CHID1: variants seen among roughly 807,000 people sequenced by gnomAD.
The protein encoded by CHID1 is chitinase domain-containing protein 1.
Under a neutral mutation model 55.4 loss-of-function variants are expected in CHID1, and 44 were observed. That is an observed-to-expected ratio of 0.79 (90% CI 0.62 to 1.02). The LOEUF is 1.02. Among genes scored for constraint, CHID1 ranks in the 50% least tolerant of loss-of-function variants. The probability of loss-of-function intolerance (pLI) is 0.00; values close to 1 mark genes in which losing one functional copy is unlikely to be tolerated. For missense variants in CHID1, 491 were observed against 515.3 expected (o/e 0.95, Z 0.46); for synonymous variants, 216 against 212.9 (o/e 1.01, Z -0.13).
intron 8 of CHID1, among the ~76,000 whole-genome samples, chr11:892,100 G>A (rs1002967491): frequency 6.6e-6 from 1 of 152,154 alleles, no homozygotes; most frequent in Non-Finnish European, 1.5e-5. Flanking sequence ...GGGCGACAGA[G>A]TGAGACTCTA....
chr11:878,411 C>T (rs1037901878), intron 10 of CHID1, among the ~76,000 whole-genome samples: 10 of 151,074 alleles, frequency 6.6e-5, no homozygotes, highest in Non-Finnish European at 8.9e-5. Context: ...TCAAAAAAAA[C>T]AAAACAAAAC....
chr11:893,122 G>A (rs968776251), intron 8 of CHID1, among the ~76,000 whole-genome samples: 6 of 152,202 alleles, frequency 3.9e-5, no homozygotes, highest in Non-Finnish European at 8.8e-5. Flanking sequence ...TGGGACTTCT[G>A]CCTCGACACC....
At chr11:888,009 C>T (rs1223801512) in intron 8 of CHID1, among the ~76,000 whole-genome samples, 1 of 152,228 alleles carries the variant, frequency 6.6e-6, no homozygotes, top group Non-Finnish European at 1.5e-5. Flanking sequence ...ACGACATCCC[C>T]AAGCAGGAAG....
intron 10 of CHID1, among the ~76,000 whole-genome samples, chr11:872,477 G>GA (rs1849245313): frequency 2.0e-5 from 3 of 152,176 alleles, no homozygotes; most frequent in African/African-American, 7.2e-5. Context: ...CTGGTAATGG[G>GA]ATGGCAGCAG....
At chr11:882,713 A>G (rs1850067470) in intron 10 of CHID1, among the ~76,000 whole-genome samples, 1 of 152,242 alleles carries the variant, frequency 6.6e-6, no homozygotes, top group Admixed American at 6.5e-5. Context: ...ACAGCCAGGA[A>G]AGATGTCCTC....
At chr11:909,122 G>A (rs542419777) in intron 1 of CHID1, among the ~76,000 whole-genome samples, 2 of 152,186 alleles carry the variant, frequency 1.3e-5, no homozygotes, top group Non-Finnish European at 1.5e-5. Flanking sequence ...TGATGTGTGA[G>A]GGGTGCTCAC....
chr11:911,886 G>A (rs1304281037), upstream of CHID1, among the ~76,000 whole-genome samples: 1 of 152,212 alleles, frequency 6.6e-6, no homozygotes, highest in East Asian at 1.9e-4. Context: ...TCTGGAGAGG[G>A]TCCCAGTAAG....
intron 7 of CHID1, among the ~76,000 whole-genome samples, chr11:898,265 TGAAAGTGCCATG>T (rs1851525851): frequency 6.6e-6 from 1 of 151,750 alleles, no homozygotes; most frequent in Non-Finnish European, 1.5e-5. Flanking sequence ...AGCAATGGGA[TGAAAGTGCCATG>T]GCTGCTGCAG....
chr11:914,067 C>CA (rs397960158), upstream of CHID1, among the ~76,000 whole-genome samples: 2,264 of 89,494 alleles, frequency 0.025, 53 homozygotes, highest in African/African-American at 0.078. Flanking sequence ...GACTCCATCT[C>CA]AAAAAAAAAA....
intron 10 of CHID1, among the ~76,000 whole-genome samples, chr11:876,755 T>G (rs7941920): frequency 0.55 from 83,461 of 152,070 alleles, 23,500 homozygotes; most frequent in South Asian, 0.78. Context: ...TTGGCAGCCG[T>G]TTATTTATTC....
chr11:898,034 T>C (rs767551587), intron 7 of CHID1, among the ~76,000 whole-genome samples: 2 of 152,032 alleles, frequency 1.3e-5, no homozygotes, highest in East Asian at 1.9e-4. Flanking sequence ...CAGAGCACAG[T>C]GGGAGGAGCG....
In CHID1 at chr11:869,718, C is replaced by T; in HGVS notation, c.*140G>A. ...GACCCCTCATGGGAGGATGGGGAGT[C>T]ACATGGTGCCCAGGACCCCCGACTG... On this transcript the variant is annotated 3_prime_UTR_variant, in exon 13 of 13. Transcript: ENST00000323578. The T allele has an allele frequency of 1.4e-6, 1 of 732,256 alleles. No individual in the cohort carries two copies. 45.4% of individuals were successfully genotyped at this position (732,256 alleles called of 1,614,324 possible). A position where few individuals can be genotyped will look rare whatever the true frequency, so the allele number is the denominator to read the frequency against.
At chr11:876,321 A>G (rs1394925546) in intron 10 of CHID1, among the ~76,000 whole-genome samples, 1 of 152,116 alleles carries the variant, frequency 6.6e-6, no homozygotes, top group Non-Finnish European at 1.5e-5. Flanking sequence ...AGTGGATGAC[A>G]CCTGTCCAGG....
rs528822706 is a variant in CHID1, at chr11:879,290, G to T, written c.959+3858C>A. On this transcript the variant is annotated intron_variant, in intron 10 of 12. Coordinates refer to ENST00000323578, the MANE Select transcript of CHID1 (RefSeq NM_023947.4). ...GGGTCTCACCATGTTGCCCAGGCTG[G>T]CCTTGAACTCCTGGGCTCCAGTGAT... 2.6e-5 allele frequency among the ~76,000 whole-genome samples: 4 copies of T among 152,012 alleles called. No homozygotes were observed. In the South Asian group the frequency reaches 8.3e-4, roughly 32 times the overall value.
chr11:898,392 C>A (rs1414757198), intron 7 of CHID1, among the ~76,000 whole-genome samples: 1 of 152,202 alleles, frequency 6.6e-6, no homozygotes, highest in African/African-American at 2.4e-5. Context: ...ACGGCTCACA[C>A]AGAAGGCTGA....
chr11:912,837 CAAA>C (rs59345654), upstream of CHID1, among the ~76,000 whole-genome samples: 10 of 135,862 alleles, frequency 7.4e-5, no homozygotes, highest in Admixed American at 7.3e-5. Context: ...GACTCTGCCT[CAAA>C]AAAAAAAAAA....
In CHID1 at chr11:869,836, C is replaced by T. The variant is rs143781870; in HGVS notation, c.*22G>A. 23 of 1,601,886 alleles carry T rather than the reference C, an allele frequency of 1.4e-5. No homozygotes were observed. Among genetic ancestry groups the T allele is most frequent in the Non-Finnish European group, 1.9e-5 (22 of 1,169,888 alleles). On this transcript the variant is annotated 3_prime_UTR_variant, in exon 13 of 13. Coordinates refer to ENST00000323578, the MANE Select transcript of CHID1 (RefSeq NM_023947.4). ...CATGGCTTAGAAAAGAACACGTCCA[C>T]CGCGGAGGCCGCAATGCCCACCTAG... is the stretch of plus-strand genomic sequence containing the variant.
chr11:896,712 C>T (rs1851331503), intron 7 of CHID1, among the ~76,000 whole-genome samples: 1 of 141,694 alleles, frequency 7.1e-6, no homozygotes, highest in Non-Finnish European at 1.5e-5. Context: ...GCACCCCCAG[C>T]CTCCACCCCA....
At chr11:910,268 G>A (rs965362912) in intron 1 of CHID1, among the ~76,000 whole-genome samples, 2 of 152,056 alleles carry the variant, frequency 1.3e-5, no homozygotes, top group Admixed American at 1.3e-4. Flanking sequence ...CACCCTTCAC[G>A]GGGACCGCGT....
Sources: gnomAD v4.1 joint callset for allele counts (sites outside exome capture counted in the v4.1 genomes callset) on GRCh38, gnomAD v4.1.1 for gene constraint, MANE v1.5 for transcripts, NCBI Gene and HGNC (gene_info 2026-07-23, HGNC 2026-07-21) for gene names.